Variants in SYT1 observed in about 807,000 individuals in gnomAD.
SYT1 encodes the protein synaptotagmin-1.
A neutral mutation model predicts 44.8 loss-of-function variants in SYT1; 8 were observed. That is an observed-to-expected ratio of 0.18 (90% CI 0.10 to 0.32). The LOEUF is 0.32. Ranked by LOEUF, SYT1 falls within the 10% of genes least tolerant of loss-of-function variation. The pLI, the probability that SYT1 is intolerant of heterozygous loss-of-function variation, is 1.00. For missense variants in SYT1, 286 were observed against 509.3 expected (o/e 0.56, Z 4.22); for synonymous variants, 154 against 188.8 (o/e 0.82, Z 1.51).
chr12:79,047,174 A>T (rs1874131876), intron 2 of SYT1, 123 bp from the exon 3 acceptor site: 2 of 151,606 alleles, frequency 1.3e-5, no homozygotes, highest in Admixed American at 1.3e-4. Flanking sequence ...CATTATTTTT[A>T]TTGGAATATA....
chr12:79,018,383 A>G (rs894826404), intron 2 of SYT1, among the ~76,000 whole-genome samples: 2 of 151,692 alleles, frequency 1.3e-5, no homozygotes, highest in African/African-American at 2.4e-5. Flanking sequence ...TAGGAGATAT[A>G]CCTAATGCTA....
intron 9 of SYT1, chr12:79,419,235 G>A (rs1178046572): frequency 5.8e-6 from 3 of 520,194 alleles, no homozygotes; most frequent in African/African-American, 3.9e-5. Context: ...AAATTGGTAA[G>A]TTGAGAAAAA....
At chr12:79,382,202 C>G (rs1204001853) in intron 9 of SYT1, among the ~76,000 whole-genome samples, 1 of 152,136 alleles carries the variant, frequency 6.6e-6, no homozygotes, top group East Asian at 1.9e-4. Flanking sequence ...AGAGACTTCT[C>G]AGGTTGAAGT....
intron 1 of SYT1, among the ~76,000 whole-genome samples, chr12:78,940,952 G>A (rs182570933): frequency 2.2e-4 from 34 of 152,050 alleles, no homozygotes; most frequent in Admixed American, 1.1e-3. Flanking sequence ...TTGAATTGGC[G>A]AAGTTGAATA....
At chr12:79,346,823 G>C (rs551592078) in intron 8 of SYT1, among the ~76,000 whole-genome samples, 3 of 152,130 alleles carry the variant, frequency 2.0e-5, no homozygotes. Flanking sequence ...CAATTATTTC[G>C]AAGCTTTTAT....
chr12:78,929,945 AG>A (rs1381306460), intron 1 of SYT1, among the ~76,000 whole-genome samples: 1 of 152,168 alleles, frequency 6.6e-6, no homozygotes, highest in African/African-American at 2.4e-5. Context: ...CAATAAAGAA[AG>A]CTCATGTTTC....
At position 79,285,982 on chromosome 12, in the gene SYT1, C is replaced by A. The variant is rs192278748; in HGVS notation, c.351+11C>A. On this transcript the variant is annotated intron_variant, in intron 5 of 10. Transcript: ENST00000261205. ...ACGATGAAAGATCAGGTAATGTATTCTTTCTACATTTCTTCTTATTTTGTT... is the reference window on the plus strand; with the variant it reads ...ACGATGAAAGATCAGGTAATGTATTATTTCTACATTTCTTCTTATTTTGTT... 2.4e-3 allele frequency: 3,873 copies of A among 1,585,828 alleles called. 6 individuals are homozygous for A. Among genetic ancestry groups the A allele is most frequent in the Non-Finnish European group, 3.1e-3 (3,622 of 1,172,590 alleles).
chr12:79,361,934 G>A (rs552910901), intron 9 of SYT1, among the ~76,000 whole-genome samples: 2 of 152,346 alleles, frequency 1.3e-5, no homozygotes, highest in Admixed American at 1.3e-4. Flanking sequence ...GGGGCAGTAT[G>A]ATGTAGGAGT....
At chr12:79,230,736 C>T (rs367856008) in intron 4 of SYT1, among the ~76,000 whole-genome samples, 4 of 152,002 alleles carry the variant, frequency 2.6e-5, no homozygotes, top group African/African-American at 9.7e-5. Flanking sequence ...ACAGGTAATA[C>T]AGAGTAACAG....
intron 1 of SYT1, among the ~76,000 whole-genome samples, chr12:78,923,847 C>T (rs1462431408): frequency 6.6e-6 from 1 of 151,836 alleles, no homozygotes; most frequent in Non-Finnish European, 1.5e-5. Context: ...AGGAAATTAA[C>T]ATTCACTAGT....
intron 9 of SYT1, among the ~76,000 whole-genome samples, chr12:79,361,183 GC>G (rs11317751): frequency 0.12 from 18,671 of 152,132 alleles, 2,082 homozygotes; most frequent in African/African-American, 0.3. Flanking sequence ...CAGAATGTGA[GC>G]CCAGACACTG....
In SYT1 at chr12:79,189,165, C is replaced by A. The variant is rs144801874; in HGVS notation, c.-17-28338C>A. ...TCCCTTTCTGAATGTTATTTGCCTC[C>A]TCTAAAATTAGGAGGCTCAAGCTAT... On this transcript the variant is annotated intron_variant, in intron 3 of 10. Coordinates refer to ENST00000261205, the MANE Select transcript of SYT1 (RefSeq NM_005639.3). Among the ~76,000 whole-genome samples the A allele has an allele frequency of 4.5e-3, 687 of 152,220 alleles. 6 individuals are homozygous for A. Among genetic ancestry groups the A allele is most frequent in the African/African-American group, 0.016 (649 of 41,550 alleles).
chr12:79,423,600 T>TC (rs1400015167), intron 9 of SYT1, among the ~76,000 whole-genome samples: 1 of 152,094 alleles, frequency 6.6e-6, no homozygotes, highest in Non-Finnish European at 1.5e-5. Flanking sequence ...TACTCTTGGC[T>TC]AAAAAACATT....
intron 3 of SYT1, among the ~76,000 whole-genome samples, chr12:79,137,944 G>T (rs2138202520): frequency 6.6e-6 from 1 of 152,148 alleles, no homozygotes; most frequent in East Asian, 1.9e-4. Flanking sequence ...TTCCATTCCT[G>T]CAAGCAGTCA....
chr12:79,064,195 A>G (rs974087986), intron 3 of SYT1, among the ~76,000 whole-genome samples: 15 of 152,138 alleles, frequency 9.9e-5, no homozygotes, highest in African/African-American at 3.6e-4. Flanking sequence ...AGTGAAGAAG[A>G]CAGGGAATGT....
At chr12:79,041,903 T>C (rs1409038050) in intron 2 of SYT1, among the ~76,000 whole-genome samples, 7 of 152,310 alleles carry the variant, frequency 4.6e-5, no homozygotes, top group Non-Finnish European at 8.8e-5. Context: ...TTGTCTTTGG[T>C]TCTGTTTATA....
At chr12:79,087,642 G>A (rs940994744) in intron 3 of SYT1, among the ~76,000 whole-genome samples, 2 of 152,058 alleles carry the variant, frequency 1.3e-5, no homozygotes, top group African/African-American at 4.8e-5. Flanking sequence ...CATACACCAG[G>A]CAGAGGGATA....
intron 2 of SYT1, among the ~76,000 whole-genome samples, chr12:79,004,584 A>G (rs1870957093): frequency 6.6e-6 from 1 of 151,984 alleles, no homozygotes; most frequent in Non-Finnish European, 1.5e-5. Flanking sequence ...TTGATGTTGC[A>G]ATTGCTTTTG....
In SYT1 at chr12:79,450,529, T is replaced by A. The variant is rs1402115217; in HGVS notation, c.*1405T>A. On this transcript the variant is annotated 3_prime_UTR_variant, in exon 11 of 11. Transcript: ENST00000261205. Reference sequence around the variant, plus strand: ...GTTATTATGTAGTAAATGACACTATTATGAAGCTACTAGTCATTCCATAAG... The same window carrying A: ...GTTATTATGTAGTAAATGACACTATAATGAAGCTACTAGTCATTCCATAAG... 6.6e-6 allele frequency: 1 copy of A among 152,644 alleles called. No individual in the cohort carries two copies. Among genetic ancestry groups the A allele is most frequent in the Non-Finnish European group, 1.5e-5 (1 of 68,044 alleles). 9.5% of individuals were successfully genotyped at this position (152,644 alleles called of 1,614,324 possible). A position where few individuals can be genotyped will look rare whatever the true frequency, so the allele number is the denominator to read the frequency against.
Sources: allele counts gnomAD v4.1 joint callset (sites outside exome capture counted in the v4.1 genomes callset), GRCh38; gene constraint gnomAD v4.1.1; transcripts MANE v1.5; gene names NCBI Gene and HGNC (gene_info 2026-07-23, HGNC 2026-07-21).